TASP1: variants seen among roughly 807,000 people sequenced by gnomAD.
The protein encoded by TASP1 is threonine aspartase 1.
In TASP1, 16 loss-of-function variants were observed where a neutral mutation model predicts 56.6. That is an observed-to-expected ratio of 0.28 (90% CI 0.19 to 0.43). The LOEUF (loss-of-function observed/expected upper bound fraction) is 0.43. Ranked by LOEUF, TASP1 falls within the 20% of genes least tolerant of loss-of-function variation. TASP1 has a pLI of 1.00. For missense variants in TASP1, 393 were observed against 511.6 expected (o/e 0.77, Z 2.24); for synonymous variants, 179 against 184.2 (o/e 0.97, Z 0.23).
the TASP1 span, among the ~76,000 whole-genome samples, chr20:13,341,429 G>A: frequency 2.3e-3 from 346 of 152,288 alleles, 1 homozygote; most frequent in African/African-American, 7.6e-3. Flanking sequence ...AGGCATGACC[G>A]TTGGCAAGTT....
At chr20:13,454,481 A>G in intron 11 of TASP1, among the ~76,000 whole-genome samples, 1 of 152,106 alleles carries the variant, frequency 6.6e-6, no homozygotes, top group East Asian at 1.9e-4. Flanking sequence ...ATGCCATAGC[A>G]TATGCTGCTT....
intron 11 of TASP1, among the ~76,000 whole-genome samples, chr20:13,451,904 C>T (rs2043634543): frequency 6.6e-6 from 1 of 152,066 alleles, no homozygotes; most frequent in Non-Finnish European, 1.5e-5. Flanking sequence ...TGCAACTCTT[C>T]AATTCACCTG....
intron 1 of TASP1, among the ~76,000 whole-genome samples, chr20:13,631,301 A>G (rs182505432): frequency 4.5e-4 from 69 of 152,340 alleles, no homozygotes; most frequent in Non-Finnish European, 5.9e-5. Flanking sequence ...TTTTTACTAC[A>G]AAAGTGCTGA....
the TASP1 span, among the ~76,000 whole-genome samples, chr20:13,200,822 A>C: frequency 6.6e-6 from 1 of 152,262 alleles, no homozygotes; most frequent in Non-Finnish European, 1.5e-5. Flanking sequence ...AGTTAAGACC[A>C]AGCTTCATTA....
chr20:13,390,938 A>G (rs531057383), intron 13 of TASP1, among the ~76,000 whole-genome samples: 2 of 152,334 alleles, frequency 1.3e-5, no homozygotes, highest in Non-Finnish European at 2.9e-5. Context: ...TCAATAGCCT[A>G]AAGTAGGAGA....
At chr20:13,285,224 A>G in the TASP1 span, among the ~76,000 whole-genome samples, 1 of 152,152 alleles carries the variant, frequency 6.6e-6, no homozygotes, top group South Asian at 2.1e-4. Context: ...CCAGGAATTC[A>G]GGGCTGCAAT....
intron 13 of TASP1, among the ~76,000 whole-genome samples, chr20:13,405,713 A>ATTTT (rs1278098247): frequency 2.7e-4 from 37 of 136,580 alleles, no homozygotes; most frequent in African/African-American, 9.3e-4. Context: ...TGCCCAGCTA[A>ATTTT]TTTTTTTTTT....
chr20:13,362,830 T>TATAC, the TASP1 span, among the ~76,000 whole-genome samples: 1 of 145,424 alleles, frequency 6.9e-6, no homozygotes, highest in East Asian at 2.0e-4. Context: ...TATATATATA[T>TATAC]ATATATATTT....
chr20:13,576,087 A>G (rs2046894496), intron 6 of TASP1, among the ~76,000 whole-genome samples: 1 of 151,548 alleles, frequency 6.6e-6, no homozygotes, highest in Non-Finnish European at 1.5e-5. Flanking sequence ...CTGTAATCCT[A>G]GCTACTCAGG....
chr20:13,598,829 A>C (rs963176215), intron 4 of TASP1, among the ~76,000 whole-genome samples: 29 of 152,204 alleles, frequency 1.9e-4, no homozygotes, highest in African/African-American at 7.0e-4. Context: ...AACTTAAATA[A>C]ATTTACAAGA....
chr20:13,398,107 A>C (rs1422449028), intron 13 of TASP1, among the ~76,000 whole-genome samples: 1 of 152,214 alleles, frequency 6.6e-6, no homozygotes, highest in Non-Finnish European at 1.5e-5. Context: ...GCTAACACTT[A>C]AACTATCATT....
At chr20:13,486,405 A>AT (rs1237043319) in intron 10 of TASP1, among the ~76,000 whole-genome samples, 1 of 152,208 alleles carries the variant, frequency 6.6e-6, no homozygotes, top group African/African-American at 2.4e-5. Context: ...ATCAATAAGT[A>AT]TGACAAATGA....
the TASP1 span, among the ~76,000 whole-genome samples, chr20:13,221,212 C>CCCTCCTCCT: frequency 8.3e-3 from 648 of 78,202 alleles, 10 homozygotes; most frequent in Middle Eastern, 0.01. Flanking sequence ...GCAGCTGAAG[C>CCCTCCTCCT]CCTCCTACTC....
At chr20:13,335,677 T>C in the TASP1 span, among the ~76,000 whole-genome samples, 2 of 151,660 alleles carry the variant, frequency 1.3e-5, no homozygotes, top group Admixed American at 1.3e-4. Context: ...TTGTGAGTAA[T>C]GAACACAGAG....
the TASP1 span, among the ~76,000 whole-genome samples, chr20:13,293,913 G>C: frequency 6.6e-6 from 1 of 152,024 alleles, no homozygotes; most frequent in African/African-American, 2.4e-5. Context: ...GGTGGAGGTT[G>C]CAGTGAGTCG....
the TASP1 span, among the ~76,000 whole-genome samples, chr20:13,180,932 A>C: frequency 6.6e-6 from 1 of 152,242 alleles, no homozygotes; most frequent in African/African-American, 2.4e-5. Flanking sequence ...TTTAATAAAA[A>C]GAGTCATGAC....
chr20:13,534,122 A>G lies in TASP1; in HGVS notation c.695T>C (p.Leu232Ser). The change falls in exon 9 of 14, where the codon TTG (leucine) becomes TCG (serine). Residue 232 changes from leucine (L) to serine (S), a missense_variant. Leu to Ser is a moderately radical substitution (Grantham distance 145). Transcript: ENST00000337743. ...CACAACCACAGCGCCTACCGTGTCC[A>G]AAGTGCCTGAGTCATTTTCCTGCAG... ...SSEKENDSGT[L>S]DTVGAVVVDH... 8.1e-6 allele frequency: 13 copies of G among 1,613,454 alleles called. No homozygotes were observed. Among genetic ancestry groups the G allele is most frequent in the East Asian group, 2.2e-5 (1 of 44,856 alleles).
chr20:13,519,962 T>G (rs2044677593), intron 10 of TASP1, among the ~76,000 whole-genome samples: 2 of 152,150 alleles, frequency 1.3e-5, no homozygotes, highest in African/African-American at 4.8e-5. Flanking sequence ...ATCACAAGCA[T>G]TCTTATACAC....
the TASP1 span, among the ~76,000 whole-genome samples, chr20:13,217,231 A>T: frequency 0.047 from 7,112 of 152,288 alleles, 536 homozygotes; most frequent in African/African-American, 0.16. Flanking sequence ...AACGGAGGAA[A>T]TTTTTGAAAA....
Sources: gnomAD v4.1 joint callset for allele counts (sites outside exome capture counted in the v4.1 genomes callset) on GRCh38, gnomAD v4.1.1 for gene constraint, MANE v1.5 for transcripts, NCBI Gene and HGNC (gene_info 2026-07-23, HGNC 2026-07-21) for gene names.